GLIS3: variants seen among roughly 807,000 people sequenced by gnomAD.
The protein encoded by GLIS3 is GLIS family zinc finger 3.
GLIS3 carries 53 observed loss-of-function variants against 78.6 expected under a neutral mutation model. The observed-to-expected ratio is 0.67, with a 90% CI of 0.54 to 0.85. The LOEUF is 0.85. Among genes scored for constraint, GLIS3 ranks in the 40% least tolerant of loss-of-function variants. The pLI is 0.00. For synonymous variants in GLIS3, 684 were observed against 509.9 expected (o/e 1.34, Z -4.60); for missense variants, 1,703 against 1,231.1 (o/e 1.38, Z -5.74).
At chr9:3,854,356 C>A (rs1362122630) in intron 9 of GLIS3, among the ~76,000 whole-genome samples, 2 of 152,100 alleles carry the variant, frequency 1.3e-5, no homozygotes, top group African/African-American at 2.4e-5. Context: ...CATGGGCCTG[C>A]AGAATGGTAC....
chr9:3,898,189 G>A (rs189749518), intron 7 of GLIS3: 131 of 189,148 alleles, frequency 6.9e-4, no homozygotes, highest in African/African-American at 3.0e-3. Flanking sequence ...CAGATGGAAG[G>A]TGGTCTGGGA....
chr9:3,971,005 G>T (rs1204599697), intron 4 of GLIS3, among the ~76,000 whole-genome samples: 4 of 151,664 alleles, frequency 2.6e-5, no homozygotes, highest in Admixed American at 1.3e-4. Context: ...GAGGGACGGA[G>T]AGAAGGAAGG....
intron 4 of GLIS3, among the ~76,000 whole-genome samples, chr9:3,953,773 C>CA (rs1816864862): frequency 1.1e-4 from 4 of 36,420 alleles, no homozygotes; most frequent in African/African-American, 4.3e-4. Flanking sequence ...CTCTCTCTCT[C>CA]TCTCTCTCTC....
the GLIS3 span, among the ~76,000 whole-genome samples, chr9:4,483,193 T>C: frequency 1.5e-5 from 2 of 135,320 alleles, no homozygotes; most frequent in African/African-American, 6.1e-5. Flanking sequence ...ATATACTATA[T>C]CTTGCTTTAG....
chr9:3,967,034 CAAAAA>C (rs1307568514), intron 4 of GLIS3, among the ~76,000 whole-genome samples: 13 of 94,388 alleles, frequency 1.4e-4, no homozygotes, highest in African/African-American at 4.9e-4. Flanking sequence ...AAAAAAAAAA[CAAAAA>C]AACATTTTGA....
chr9:4,172,077 A>G (rs1263544187), intron 2 of GLIS3, among the ~76,000 whole-genome samples: 2 of 152,132 alleles, frequency 1.3e-5, no homozygotes, highest in African/African-American at 4.8e-5. Flanking sequence ...AAGTTCTTAT[A>G]TTTAAGGCTA....
chr9:4,356,552 T>C, the GLIS3 span, among the ~76,000 whole-genome samples: 1 of 152,242 alleles, frequency 6.6e-6, no homozygotes, highest in Non-Finnish European at 1.5e-5. Context: ...CCAAGTTTCA[T>C]GATAAAATGC....
At chr9:4,367,072 A>G in the GLIS3 span, among the ~76,000 whole-genome samples, 1 of 152,234 alleles carries the variant, frequency 6.6e-6, no homozygotes, top group Non-Finnish European at 1.5e-5. Flanking sequence ...CCAGAGAGCT[A>G]ATATTAAAAC....
intron 2 of GLIS3, among the ~76,000 whole-genome samples, chr9:4,141,410 C>T (rs948009874): frequency 6.6e-6 from 1 of 152,320 alleles, no homozygotes; most frequent in African/African-American, 2.4e-5. Context: ...ATGCACAGAG[C>T]AGCAGACTCC....
At chr9:4,384,247 G>A in the GLIS3 span, among the ~76,000 whole-genome samples, 129 of 152,258 alleles carry the variant, frequency 8.5e-4, no homozygotes, top group Middle Eastern at 3.4e-3. Flanking sequence ...CATCATGGAG[G>A]AATCTTTTGA....
At chr9:4,243,684 T>C (rs191771030) in intron 2 of GLIS3, among the ~76,000 whole-genome samples, 2 of 152,314 alleles carry the variant, frequency 1.3e-5, no homozygotes, top group East Asian at 3.9e-4. Flanking sequence ...TGTGGATCAC[T>C]AAGGAAAATC....
intron 4 of GLIS3, among the ~76,000 whole-genome samples, chr9:4,306,969 G>T (rs1817241130): frequency 6.6e-6 from 1 of 152,230 alleles, no homozygotes; most frequent in Non-Finnish European, 1.5e-5. Context: ...TGTTCTCCCT[G>T]TCACTGCTTT....
Position 4,250,459 on chromosome 9 carries a change from A to C in GLIS3, c.388+35579T>G, listed in dbSNP as rs567993458. 2.6e-5 allele frequency among the ~76,000 whole-genome samples: 4 copies of C among 152,206 alleles called. No homozygotes were observed. In the East Asian group the frequency reaches 7.7e-4, roughly 29 times the overall value. The stretch of plus-strand genomic sequence containing the variant: ...TTGTATTTCTGTGGGATCAGTGGTG[A>C]TATCCCCTTTATCATTTTTTTATTG... On this transcript the variant is annotated intron_variant, in intron 2 of 10. Coordinates refer to ENST00000381971, the MANE Select transcript of GLIS3 (RefSeq NM_001042413.2).
intron 4 of GLIS3, among the ~76,000 whole-genome samples, chr9:4,104,553 A>G (rs1245827673): frequency 2.0e-5 from 3 of 152,190 alleles, no homozygotes; most frequent in East Asian, 1.9e-4. Flanking sequence ...CTATTAAAAC[A>G]TAAGTCAGAC....
chr9:4,074,667 C>A (rs1397734359), intron 4 of GLIS3, among the ~76,000 whole-genome samples: 1 of 152,142 alleles, frequency 6.6e-6, no homozygotes, highest in Non-Finnish European at 1.5e-5. Context: ...CACTATGAAG[C>A]CAAGTTTGGG....
intron 8 of GLIS3, among the ~76,000 whole-genome samples, chr9:3,862,859 G>C (rs756196611): frequency 6.6e-5 from 10 of 152,094 alleles, no homozygotes; most frequent in Non-Finnish European, 1.0e-4. Flanking sequence ...TTATTGATTT[G>C]CTGCCAGGGA....
Position 3,908,668 on chromosome 9 carries a change from C to A in GLIS3, c.1984-9833G>T, listed in dbSNP as rs141401222. ...AACAATGCGGGGATTTTTTTCTAAT[C>A]TATAAAAACAAGGCACCATCAATTG... is the stretch of plus-strand genomic sequence containing the variant. On this transcript the variant is annotated intron_variant, in intron 6 of 10. Transcript: ENST00000381971. 2.0e-3 allele frequency among the ~76,000 whole-genome samples: 266 copies of A among 136,168 alleles called. No homozygotes were observed. In the Middle Eastern group the frequency reaches 0.023, roughly 12 times the overall value. The allele number at this position is 136,168 out of a possible 152,430, so 89.3% of individuals were successfully genotyped here. A position where few individuals can be genotyped will look rare whatever the true frequency, so the allele number is the denominator to read the frequency against.
chr9:4,469,283 G>C, the GLIS3 span, among the ~76,000 whole-genome samples: 1 of 152,136 alleles, frequency 6.6e-6, no homozygotes, highest in African/African-American at 2.4e-5. Context: ...GCACCAAGCA[G>C]ACCTAATAGA....
chr9:4,471,242 T>C, the GLIS3 span, among the ~76,000 whole-genome samples: 2 of 152,118 alleles, frequency 1.3e-5, no homozygotes, highest in African/African-American at 4.8e-5. Flanking sequence ...CTTCACAGAA[T>C]TGGAAAAAAC....
Sources: gnomAD v4.1 joint callset for allele counts (sites outside exome capture counted in the v4.1 genomes callset) on GRCh38, gnomAD v4.1.1 for gene constraint, MANE v1.5 for transcripts, NCBI Gene and HGNC (gene_info 2026-07-23, HGNC 2026-07-21) for gene names.